Variants in NDUFS4 observed in about 807,000 individuals in gnomAD.
NDUFS4 encodes NADH dehydrogenase [ubiquinone] iron-sulfur protein 4, mitochondrial.
Under a neutral mutation model 24.3 loss-of-function variants are expected in NDUFS4, and 28 were observed. The ratio of observed to expected loss-of-function variants is 1.15; its 90% confidence interval spans 0.85 to 1.58. The LOEUF is 1.58. Ranked by LOEUF, NDUFS4 falls within the 40% of genes most tolerant of loss-of-function variation. The pLI, the probability that NDUFS4 is intolerant of heterozygous loss-of-function variation, is 0.00. For synonymous variants in NDUFS4, 93 were observed against 69.7 expected (o/e 1.34, Z -1.67); for missense variants, 223 against 207.9 (o/e 1.07, Z -0.45).
chr5:53,617,229 C>T (rs1419043367), intron 2 of NDUFS4, among the ~76,000 whole-genome samples: 1 of 152,146 alleles, frequency 6.6e-6, no homozygotes, highest in Admixed American at 6.5e-5. Flanking sequence ...CTGTCTTCAT[C>T]TTAACTTTGA....
At chr5:53,595,545 T>A (rs565199367) in intron 1 of NDUFS4, among the ~76,000 whole-genome samples, 1 of 152,302 alleles carries the variant, frequency 6.6e-6, no homozygotes, top group South Asian at 2.1e-4. Flanking sequence ...TATTTCTTAT[T>A]CTTCTCTCAT....
chr5:53,671,416 A>T (rs966002517), intron 4 of NDUFS4, among the ~76,000 whole-genome samples: 1 of 152,138 alleles, frequency 6.6e-6, no homozygotes, highest in African/African-American at 2.4e-5. Flanking sequence ...TGTTCCCACT[A>T]CCATGTCCCC....
At chr5:53,604,739 C>G (rs760163939) in intron 2 of NDUFS4, 4 of 456,232 alleles carry the variant, frequency 8.8e-6, no homozygotes, top group South Asian at 6.2e-5. Flanking sequence ...TCTTGTACCA[C>G]TGTGTTTTAC....
At chr5:53,560,788 A>T in intron 1 of NDUFS4, 28 bp downstream of exon 1, 1 of 1,613,816 alleles carries the variant, frequency 6.2e-7, no homozygotes, top group Non-Finnish European at 8.5e-7. Flanking sequence ...CTTTTCTTCA[A>T]GCTTCTTGGG....
chr5:53,642,407 A>G (rs1251209047), intron 2 of NDUFS4, among the ~76,000 whole-genome samples: 2 of 152,126 alleles, frequency 1.3e-5, no homozygotes, highest in African/African-American at 4.8e-5. Flanking sequence ...CCTTTATACA[A>G]ATCAACCGGC....
chr5:53,669,625 A>C (rs1004193328), intron 4 of NDUFS4, among the ~76,000 whole-genome samples: 10 of 152,020 alleles, frequency 6.6e-5, no homozygotes, highest in African/African-American at 2.4e-4. Context: ...TTTGTACTGC[A>C]CTCAGTCAGA....
intron 4 of NDUFS4, among the ~76,000 whole-genome samples, chr5:53,669,243 G>T (rs1471461473): frequency 2.0e-5 from 3 of 152,116 alleles, no homozygotes; most frequent in African/African-American, 7.2e-5. Flanking sequence ...TCAAGAGTCT[G>T]TGTTTAATAG....
chr5:53,620,708 T>G (rs1287354838), intron 2 of NDUFS4, among the ~76,000 whole-genome samples: 1 of 152,220 alleles, frequency 6.6e-6, no homozygotes, highest in Non-Finnish European at 1.5e-5. Flanking sequence ...TCCAAAACAA[T>G]GCAAGGTAAA....
chr5:53,568,519 C>CT (rs1749113369), intron 1 of NDUFS4, among the ~76,000 whole-genome samples: 1 of 152,062 alleles, frequency 6.6e-6, no homozygotes, highest in Non-Finnish European at 1.5e-5. Context: ...AAGTTTTATG[C>CT]TTTTCACCCA....
In NDUFS4 at chr5:53,571,224, C is replaced by T. The variant is rs1050211664; in HGVS notation, c.98+10464C>T. 3.9e-5 allele frequency among the ~76,000 whole-genome samples: 6 copies of T among 152,160 alleles called. No individual in the cohort carries two copies. In the East Asian group the frequency reaches 5.8e-4, roughly 15 times the overall value. ...TCGCTTCTCCCCCAGTCCTAGATAA[C>T]GACTAACCTTCTTTTTGTTTCTACA... On this transcript the variant is annotated intron_variant, in intron 1 of 4. Transcript: ENST00000296684.
At chr5:53,675,750 A>G (rs1740448423) in intron 4 of NDUFS4, among the ~76,000 whole-genome samples, 1 of 152,234 alleles carries the variant, frequency 6.6e-6, no homozygotes, top group Non-Finnish European at 1.5e-5. Flanking sequence ...ATAGACCTCT[A>G]TAAACCATTA....
In NDUFS4 at chr5:53,657,240, C is replaced by T. The variant is rs142049482; in HGVS notation, c.351-1311C>T. Reference sequence around the variant, plus strand: ...ATACTTTAACTATCAACTGGAAAATCGTGTGCGCTTTGAAAAGGAGGAACC... The same window carrying T: ...ATACTTTAACTATCAACTGGAAAATTGTGTGCGCTTTGAAAAGGAGGAACC... On this transcript the variant is annotated intron_variant, in intron 3 of 4. Transcript: ENST00000296684. Among the ~76,000 whole-genome samples, 1,414 of 152,112 alleles carry T rather than the reference C, an allele frequency of 9.3e-3. 17 individuals are homozygous for T. The highest frequency in any genetic ancestry group is 0.032 in the African/African-American group (1,332 of 41,496).
intron 1 of NDUFS4, among the ~76,000 whole-genome samples, chr5:53,597,953 G>T (rs1344875939): frequency 6.6e-6 from 1 of 152,114 alleles, no homozygotes; most frequent in Non-Finnish European, 1.5e-5. Context: ...GATCTAAGCA[G>T]ATAACTCACC....
At chr5:53,631,031 G>T (rs573158201) in intron 2 of NDUFS4, among the ~76,000 whole-genome samples, 1 of 152,214 alleles carries the variant, frequency 6.6e-6, no homozygotes, top group East Asian at 1.9e-4. Flanking sequence ...TCTACCTTCG[G>T]TCTTTGATGT....
At chr5:53,587,520 A>G (rs1402625319) in intron 1 of NDUFS4, among the ~76,000 whole-genome samples, 1 of 152,120 alleles carries the variant, frequency 6.6e-6, no homozygotes, top group African/African-American at 2.4e-5. Context: ...ACAAACACAT[A>G]TATTGATCTA....
chr5:53,619,263 C>T (rs1428017056), intron 2 of NDUFS4, among the ~76,000 whole-genome samples: 3 of 149,598 alleles, frequency 2.0e-5, no homozygotes, highest in East Asian at 1.9e-4. Context: ...GAGTTCAAGA[C>T]CAGCTTGGCC....
chr5:53,663,108 C>T (rs1373756411), intron 4 of NDUFS4, among the ~76,000 whole-genome samples: 1 of 152,122 alleles, frequency 6.6e-6, no homozygotes, highest in East Asian at 1.9e-4. Flanking sequence ...GCAGGTTGTT[C>T]AGTTTCCATG....
At chr5:53,650,022 C>A (rs909854126) in intron 3 of NDUFS4, among the ~76,000 whole-genome samples, 1 of 152,008 alleles carries the variant, frequency 6.6e-6, no homozygotes, top group Non-Finnish European at 1.5e-5. Flanking sequence ...ATTTTGTAAA[C>A]CACATGCTTC....
chr5:53,587,013 G>A (rs1467878717), intron 1 of NDUFS4, among the ~76,000 whole-genome samples: 1 of 151,910 alleles, frequency 6.6e-6, no homozygotes, highest in African/African-American at 2.4e-5. Flanking sequence ...TAGTGGAGAC[G>A]GGGTTTCACC....
Sources: allele counts gnomAD v4.1 joint callset (sites outside exome capture counted in the v4.1 genomes callset), GRCh38; gene constraint gnomAD v4.1.1; transcripts MANE v1.5; gene names NCBI Gene and HGNC (gene_info 2026-07-23, HGNC 2026-07-21).